Variants in OCA2 observed in about 807,000 individuals in gnomAD.
OCA2 encodes OCA2 melanosomal transmembrane protein.
A neutral mutation model predicts 100.2 loss-of-function variants in OCA2; 77 were observed. That is an observed-to-expected ratio of 0.77 (90% confidence interval 0.64 to 0.93). The LOEUF is 0.93. Ranked by LOEUF, OCA2 falls within the 40% of genes least tolerant of loss-of-function variation. OCA2 has a pLI of 0.00. For synonymous variants in OCA2, 432 were observed against 439.2 expected (o/e 0.98, Z 0.21); for missense variants, 1,062 against 1,089.1 (o/e 0.98, Z 0.35).
the OCA2 span, among the ~76,000 whole-genome samples, chr15:27,729,438 C>A: frequency 6.6e-6 from 1 of 152,060 alleles, no homozygotes; most frequent in Non-Finnish European, 1.5e-5. Context: ...TCTCACTTCC[C>A]GGTTCCAAAA....
At position 28,016,127 on chromosome 15, in the gene OCA2, G is replaced by A. The variant is rs779603058; in HGVS notation, c.867C>T (p.Ser289=). 2 of 1,614,102 alleles carry A rather than the reference G, an allele frequency of 1.2e-6. No homozygotes were observed. Among genetic ancestry groups the A allele is most frequent in the Admixed American group, 3.3e-5 (2 of 60,036 alleles). The part of the protein sequence containing the change: ...NPRRSEHSVM[S]RTFEVLTRET... ...ACCTGGTCAGTACCTCAAAGGTCCT[G>A]CTCATCACTGAGTGCTCGCTTCTCC... Residue 289 remains serine, a synonymous_variant, in exon 8 of 24, where the codon AGC becomes AGT. Coordinates refer to ENST00000354638, the MANE Select transcript of OCA2 (RefSeq NM_000275.3).
intron 23 of OCA2, among the ~76,000 whole-genome samples, chr15:27,811,940 C>T (rs2034096399): frequency 6.6e-6 from 1 of 152,210 alleles, no homozygotes; most frequent in Non-Finnish European, 1.5e-5. Flanking sequence ...AACCTTGTGG[C>T]TCAAGGGCTT....
intron 19 of OCA2, among the ~76,000 whole-genome samples, chr15:27,906,920 G>C (rs1000735518): frequency 2.6e-5 from 4 of 152,158 alleles, no homozygotes; most frequent in African/African-American, 9.7e-5. Flanking sequence ...GGCATGCTGA[G>C]ATCACATGGC....
intron 23 of OCA2, among the ~76,000 whole-genome samples, chr15:27,765,274 T>C (rs1464810960): frequency 6.6e-6 from 1 of 152,078 alleles, no homozygotes; most frequent in East Asian, 1.9e-4. Flanking sequence ...CACCAAGAGT[T>C]TTGCCCAGGC....
chr15:27,987,183 A>T (rs533038626), intron 11 of OCA2, among the ~76,000 whole-genome samples: 2 of 152,194 alleles, frequency 1.3e-5, no homozygotes, highest in Non-Finnish European at 2.9e-5. Context: ...TTCCAGGTGA[A>T]CCCAGAATGC....
chr15:27,866,302 G>A (rs1461079013), intron 21 of OCA2, among the ~76,000 whole-genome samples: 1 of 152,172 alleles, frequency 6.6e-6, no homozygotes, highest in Non-Finnish European at 1.5e-5. Flanking sequence ...GCGTCGTGCT[G>A]AAGAGGTGGC....
intron 18 of OCA2, among the ~76,000 whole-genome samples, chr15:27,945,412 G>A (rs2039797609): frequency 6.6e-6 from 1 of 152,144 alleles, no homozygotes; most frequent in Non-Finnish European, 1.5e-5. Flanking sequence ...GCACTATTCT[G>A]CCATGAGCAG....
chr15:27,721,159 A>G, the OCA2 span, among the ~76,000 whole-genome samples: 1 of 152,150 alleles, frequency 6.6e-6, no homozygotes, highest in Non-Finnish European at 1.5e-5. Flanking sequence ...TTAGTTTTAA[A>G]TTTCGCTTCT....
intron 19 of OCA2, chr15:27,896,343 G>A (rs760004732): frequency 2.5e-6 from 2 of 793,556 alleles, no homozygotes; most frequent in Non-Finnish European, 4.5e-6. Flanking sequence ...AGATGAAGAT[G>A]CTTACCAGAA....
At chr15:27,813,132 G>C (rs1159189316) in intron 23 of OCA2, among the ~76,000 whole-genome samples, 2 of 152,296 alleles carry the variant, frequency 1.3e-5, no homozygotes, top group South Asian at 2.1e-4. Flanking sequence ...AAAGGGGCAG[G>C]TGCTGCAGGT....
At chr15:28,086,023 A>C (rs1021401210) in intron 1 of OCA2, among the ~76,000 whole-genome samples, 1 of 152,202 alleles carries the variant, frequency 6.6e-6, no homozygotes, top group East Asian at 1.9e-4. Context: ...CCTGGCCCCC[A>C]GTCCTCACAG....
intron 21 of OCA2, among the ~76,000 whole-genome samples, chr15:27,863,427 G>A (rs533099829): frequency 1.6e-4 from 25 of 152,276 alleles, no homozygotes; most frequent in South Asian, 4.1e-4. Flanking sequence ...CTGATGGGCC[G>A]GGCCTAGACC....
At chr15:27,863,259 C>A (rs1287439305) in intron 21 of OCA2, among the ~76,000 whole-genome samples, 2 of 152,184 alleles carry the variant, frequency 1.3e-5, no homozygotes, top group African/African-American at 4.8e-5. Context: ...ACAGCAGCCA[C>A]CCAGCAGCAG....
chr15:27,929,505 G>A (rs1183916738), intron 18 of OCA2, among the ~76,000 whole-genome samples: 7 of 151,912 alleles, frequency 4.6e-5, no homozygotes, highest in African/African-American at 1.5e-4. Context: ...ATGGATTATA[G>A]GTCTGAATGT....
chr15:28,009,482 G>A (rs1389337543), intron 9 of OCA2, among the ~76,000 whole-genome samples: 2 of 152,124 alleles, frequency 1.3e-5, no homozygotes. Context: ...GAGGCCAGGA[G>A]TTCATGACCA....
At position 28,009,684 on chromosome 15, in the gene OCA2, TCACACACACACACACACA is replaced by T. The variant is rs747425942; in HGVS notation, c.1044+5074_1044+5091del. Among the ~76,000 whole-genome samples the T allele has an allele frequency of 1.3e-3, 175 of 138,110 alleles. 1 individual carries two copies. The South Asian group carries it at 0.019, about 15-fold the overall frequency. The allele number at this position is 138,110 out of a possible 152,430, so 90.6% of individuals were successfully genotyped here. On this transcript the variant is annotated intron_variant, in intron 9 of 23. Transcript: ENST00000354638. ...GCCTGGGCAACAGAGCGAGATTCTGTCACACACACACACACACACACACACACACACACACACACACAC... is the reference window on the plus strand; with the variant it reads ...GCCTGGGCAACAGAGCGAGATTCTGTCACACACACACACACACACACACAC...
At chr15:28,053,170 T>G (rs925922750) in intron 2 of OCA2, among the ~76,000 whole-genome samples, 1 of 152,324 alleles carries the variant, frequency 6.6e-6, no homozygotes, top group African/African-American at 2.4e-5. Flanking sequence ...AAGAGTTGGT[T>G]GGAGAGGCTT....
At chr15:28,054,448 C>T (rs578069968) in intron 2 of OCA2, among the ~76,000 whole-genome samples, 9 of 152,294 alleles carry the variant, frequency 5.9e-5, no homozygotes, top group East Asian at 5.8e-4. Flanking sequence ...CCCACCTCAA[C>T]GTGTTTTCTG....
rs538517988 is a variant in OCA2, at chr15:27,956,759, A to G, written c.1784+829T>C. Among the ~76,000 whole-genome samples the G allele has an allele frequency of 3.0e-3, 459 of 152,316 alleles. 5 individuals carry two copies. Among genetic ancestry groups the G allele is most frequent in the African/African-American group, 0.011 (437 of 41,576 alleles). On this transcript the variant is annotated intron_variant, in intron 16 of 23. Transcript: ENST00000354638. ...CCGGACCGGGGATGAAGCCAATGGC[A>G]CTGAGCCGGCACTTCATCCCGGGAT... is the stretch of plus-strand genomic sequence containing the variant.
Sources: allele counts gnomAD v4.1 joint callset (sites outside exome capture counted in the v4.1 genomes callset), GRCh38; gene constraint gnomAD v4.1.1; transcripts MANE v1.5; gene names NCBI Gene and HGNC (gene_info 2026-07-23, HGNC 2026-07-21).